The following KIF6 variants were observed in gnomAD, a reference collection of about 807,000 sequenced individuals.
The protein encoded by KIF6 is kinesin family member 6.
Under a neutral mutation model 112.7 loss-of-function variants are expected in KIF6, and 106 were observed. The ratio of observed to expected loss-of-function variants is 0.94; its 90% CI spans 0.80 to 1.11. The LOEUF (loss-of-function observed/expected upper bound fraction) is 1.11, where lower values mean the gene tolerates loss of function less well. KIF6 is among the 50% of genes least tolerant of loss of function. The pLI, the probability that KIF6 is intolerant of heterozygous loss-of-function variation, is 0.00. For missense variants in KIF6, 929 were observed against 964.0 expected, an observed-to-expected ratio of 0.96 and a Z score of 0.48; for synonymous variants, 339 against 339.9, an observed-to-expected ratio of 1.00 and a Z score of 0.03.
At chr6:39,572,800 A>G (rs943901111) in intron 10 of KIF6, among the ~76,000 whole-genome samples, 1 of 150,700 alleles carries the variant, frequency 6.6e-6, no homozygotes, top group African/African-American at 2.4e-5. Flanking sequence ...CTTTTCAAAT[A>G]TACCCAGCCA....
At chr6:39,439,904 T>C (rs1403373124) in intron 13 of KIF6, among the ~76,000 whole-genome samples, 1 of 152,170 alleles carries the variant, frequency 6.6e-6, no homozygotes, top group Admixed American at 6.5e-5. Context: ...CAGAGCTTAT[T>C]TTCCTGGCTG....
At chr6:39,480,166 T>G (rs1774704686) in intron 13 of KIF6, among the ~76,000 whole-genome samples, 1 of 152,162 alleles carries the variant, frequency 6.6e-6, no homozygotes, top group African/African-American at 2.4e-5. Flanking sequence ...TTCCCCATTC[T>G]GTATAATGTT....
chr6:39,687,561 T>C (rs1787948466), intron 3 of KIF6, among the ~76,000 whole-genome samples: 1 of 152,228 alleles, frequency 6.6e-6, no homozygotes, highest in South Asian at 2.1e-4. Flanking sequence ...TTTTGAAGTA[T>C]GCAGATGAAA....
intron 3 of KIF6, among the ~76,000 whole-genome samples, chr6:39,669,520 TC>T (rs1786678787): frequency 1.3e-5 from 2 of 152,214 alleles, no homozygotes; most frequent in Admixed American, 6.5e-5. Flanking sequence ...CTCACATAGG[TC>T]CATTCTCAGT....
At chr6:39,377,651 C>T (rs993167913) in intron 16 of KIF6, among the ~76,000 whole-genome samples, 4 of 152,176 alleles carry the variant, frequency 2.6e-5, no homozygotes, top group Admixed American at 6.5e-5. Context: ...GAGGTCACTG[C>T]AGGAATGCTG....
intron 10 of KIF6, among the ~76,000 whole-genome samples, 195 bp from the exon 11 acceptor site, chr6:39,545,883 T>C (rs1380797789): frequency 6.6e-6 from 1 of 152,230 alleles, no homozygotes; most frequent in Non-Finnish European, 1.5e-5. Flanking sequence ...ATTATTTGAC[T>C]AATTTCCAGT....
chr6:39,478,080 G>A (rs923503115), intron 13 of KIF6, among the ~76,000 whole-genome samples: 1 of 151,980 alleles, frequency 6.6e-6, no homozygotes, highest in African/African-American at 2.4e-5. Flanking sequence ...TGGGGAACAG[G>A]TGGTATTTGG....
chr6:39,360,612 C>G (rs1765057784), intron 17 of KIF6, 82 bp from the exon 18 acceptor site: 2 of 1,534,592 alleles, frequency 1.3e-6, no homozygotes, highest in African/African-American at 2.7e-5. Flanking sequence ...GAATGGGGCC[C>G]GTGCCTCAGA....
intron 3 of KIF6, among the ~76,000 whole-genome samples, chr6:39,713,345 T>C (rs1487950489): frequency 3.9e-5 from 6 of 152,186 alleles, no homozygotes; most frequent in Non-Finnish European, 8.8e-5. Flanking sequence ...ATAGAAGTCA[T>C]AGTTGACTTT....
At chr6:39,346,085 T>TCTCCCTCTCC (rs1212794740) in intron 20 of KIF6, among the ~76,000 whole-genome samples, 1 of 21,598 alleles carries the variant, frequency 4.6e-5, no homozygotes, top group Non-Finnish European at 8.0e-5. Flanking sequence ...TCTCTCTCTC[T>TCTCCCTCTCC]CCCCCCCCTC....
chr6:39,433,874 A>T (rs1210273623), intron 13 of KIF6, among the ~76,000 whole-genome samples: 1 of 152,156 alleles, frequency 6.6e-6, no homozygotes, highest in African/African-American at 2.4e-5. Flanking sequence ...GCCCATCCCC[A>T]TTCTGCTTGT....
At chr6:39,346,049 G>GCTCGCTCTCTCTCTCTCT (rs1554196850) in intron 20 of KIF6, among the ~76,000 whole-genome samples, 1 of 28,994 alleles carries the variant, frequency 3.4e-5, no homozygotes, top group East Asian at 1.3e-3. Flanking sequence ...AAACTACAGT[G>GCTCGCTCTCTCTCTCTCT]CTCTCTCTCT....
At chr6:39,359,661 C>T (rs1764978271) in intron 18 of KIF6, among the ~76,000 whole-genome samples, 1 of 152,322 alleles carries the variant, frequency 6.6e-6, no homozygotes, top group Admixed American at 6.5e-5. Context: ...TCACTGCTCA[C>T]TGCAGCCTCG....
chr6:39,582,651 GTGA>G (rs933072160), intron 9 of KIF6, among the ~76,000 whole-genome samples: 5 of 152,162 alleles, frequency 3.3e-5, no homozygotes, highest in Non-Finnish European at 5.9e-5. Flanking sequence ...CTGACCTCAG[GTGA>G]TCCATCCGCC....
chr6:39,457,614 A>G (rs1202546358), intron 13 of KIF6, among the ~76,000 whole-genome samples: 1 of 152,156 alleles, frequency 6.6e-6, no homozygotes, highest in African/African-American at 2.4e-5. Flanking sequence ...CAAAATTGAT[A>G]GAACGCTAGC....
At position 39,714,727 on chromosome 6, in the gene KIF6, G is replaced by A. The variant is rs752700038; in HGVS notation, c.216C>T (p.Thr72=). The A allele has an allele frequency of 1.1e-5, 17 of 1,613,630 alleles. No homozygotes were observed. Among genetic ancestry groups the A allele is most frequent in the East Asian group, 6.7e-5 (3 of 44,884 alleles). ...CTGGTTTGGCAATGTTTTCAAAAACGGTCTCTTGGTTTGCATCCTGATCAA... is the reference window on the plus strand; with the variant it reads ...CTGGTTTGGCAATGTTTTCAAAAACAGTCTCTTGGTTTGCATCCTGATCAA... ...RIFDQDANQE[T]VFENIAKPVA... The change falls in exon 3 of 23, where the codon ACC becomes ACT. Residue 72 remains threonine, a synonymous_variant. Transcript: ENST00000287152.
chr6:39,702,662 G>A (rs140291722), intron 3 of KIF6, among the ~76,000 whole-genome samples: 74 of 152,144 alleles, frequency 4.9e-4, no homozygotes, highest in Admixed American at 1.6e-3. Context: ...TCAGCCTCCC[G>A]AAGTGGTGGA....
chr6:39,461,603 T>C (rs1320559475), intron 13 of KIF6, among the ~76,000 whole-genome samples: 1 of 152,186 alleles, frequency 6.6e-6, no homozygotes, highest in East Asian at 1.9e-4. Context: ...TCAATATTCA[T>C]AAAATTATTG....
intron 13 of KIF6, among the ~76,000 whole-genome samples, chr6:39,493,057 A>G (rs776274234): frequency 2.0e-5 from 3 of 152,186 alleles, no homozygotes; most frequent in Non-Finnish European, 4.4e-5. Context: ...AGGGTTTTAC[A>G]TTTATTAAAC....
Sources: gnomAD v4.1 joint callset for allele counts (sites outside exome capture counted in the v4.1 genomes callset) on GRCh38, gnomAD v4.1.1 for gene constraint, MANE v1.5 for transcripts, NCBI Gene and HGNC (gene_info 2026-07-23, HGNC 2026-07-21) for gene names.